Variants in PEAR1 observed in about 807,000 individuals in gnomAD.
PEAR1 encodes platelet endothelial aggregation receptor 1.
PEAR1 carries 113 observed loss-of-function variants against 131.2 expected under a neutral mutation model. The ratio of observed to expected loss-of-function variants is 0.86; its 90% CI spans 0.74 to 1.01. The LOEUF (loss-of-function observed/expected upper bound fraction) is 1.01, where lower values mean the gene tolerates loss of function less well. Ranked by LOEUF, PEAR1 falls within the 50% of genes least tolerant of loss-of-function variation. PEAR1 has a pLI of 0.00. For synonymous variants in PEAR1, 565 were observed against 523.3 expected (o/e 1.08, Z -1.09); for missense variants, 1,408 against 1,391.1 (o/e 1.01, Z -0.19).
At position 156,899,839 on chromosome 1, in the gene PEAR1, T is replaced by G. The variant is rs1207283332; in HGVS notation, c.-9-4079T>G. On this transcript the variant is annotated intron_variant, in intron 1 of 22. Transcript: ENST00000292357. ...TGGGCAGGGGTTGGGGGTGCAGAGG[T>G]GAGGGGTTATCCTATGCTACATGAC... is the stretch of plus-strand genomic sequence containing the variant. Among the ~76,000 whole-genome samples, 7 of 151,990 alleles carry G rather than the reference T, an allele frequency of 4.6e-5. No homozygotes were observed. In the East Asian group the frequency reaches 1.4e-3, roughly 29 times the overall value.
intron 14 of PEAR1, 73 bp downstream of exon 14, chr1:156,910,453 T>G: frequency 6.5e-7 from 1 of 1,538,932 alleles, no homozygotes; most frequent in East Asian, 2.3e-5. Flanking sequence ...AGAGCACCCC[T>G]CCCCCCGCGC....
intron 2 of PEAR1, 38 bp downstream of exon 2, chr1:156,904,065 C>A (rs1412894692): frequency 5.2e-6 from 8 of 1,543,058 alleles, no homozygotes; most frequent in Non-Finnish European, 7.2e-6. Context: ...GGCACCAAGC[C>A]CTAGCTCCCG....
rs1650699024 is a variant in PEAR1 at position 156,908,867 on chromosome 1, G to A, written c.1290+38G>A. ...CGGCTGCAAGGAAGCGAGGCAGGTGGAGAGGCCAAGGAATGGGCCGCCCCT... is the reference window on the plus strand; with the variant it reads ...CGGCTGCAAGGAAGCGAGGCAGGTGAAGAGGCCAAGGAATGGGCCGCCCCT... On this transcript the variant is annotated intron_variant, in intron 10 of 22. Coordinates refer to ENST00000292357, the MANE Select transcript of PEAR1 (RefSeq NM_001080471.3). This position sits in a 1 kb window ranked among gnomAD's most constrained non-coding sequence, Gnocchi z 4.2. 1 of 1,607,314 alleles carries A rather than the reference G, an allele frequency of 6.2e-7. No individual in the cohort carries two copies. Among genetic ancestry groups the A allele is most frequent in the Non-Finnish European group, 8.5e-7 (1 of 1,178,276 alleles).
chr1:156,903,786 G>C lies in PEAR1; in HGVS notation c.-9-132G>C, dbSNP rs1408950719. On this transcript the variant is annotated intron_variant, in intron 1 of 22. Coordinates refer to ENST00000292357, the MANE Select transcript of PEAR1 (RefSeq NM_001080471.3). ...TGAGGTGTAGGGGAGCTGGAGCTCA[G>C]AGCAAGGGGCCAGAGGACACGGGGC... 4.7e-5 allele frequency: 33 copies of C among 702,444 alleles called. No individual in the cohort carries two copies. In the East Asian group the frequency reaches 8.2e-4, roughly 17 times the overall value. 43.5% of individuals were successfully genotyped at this position (702,444 alleles called of 1,614,324 possible).
chr1:156,905,180 T>C, intron 3 of PEAR1, 144 bp from the exon 4 acceptor site: 1 of 1,069,346 alleles, frequency 9.4e-7, no homozygotes, highest in Non-Finnish European at 1.4e-6. Flanking sequence ...CGTAGTGCAC[T>C]GCAACCTCAA....
Position 156,906,786 on chromosome 1 carries a change from G to A in PEAR1, c.550G>A (p.Gly184Ser), listed in dbSNP as rs746529278. The change falls in exon 6 of 23, where the codon GGC becomes AGC. Residue 184 changes from glycine (G) to serine (S), a missense_variant. Physicochemically the swap from Gly to Ser is moderately conservative, Grantham distance 56. Coordinates refer to ENST00000292357, the MANE Select transcript of PEAR1 (RefSeq NM_001080471.3). ...CLQPCTPGYY[G>S]PACQFRCQCH... ...TCAGCCCTGTACCCCTGGCTACTAT[G>A]GCCCTGCCTGCCAGTTCCGCTGCCA... 1.2e-5 allele frequency: 19 copies of A among 1,614,210 alleles called. No homozygotes were observed. The highest frequency in any genetic ancestry group is 1.6e-5 in the Non-Finnish European group (19 of 1,180,042).
At chr1:156,903,329 T>C (rs908525492) in intron 1 of PEAR1, among the ~76,000 whole-genome samples, 1 of 152,130 alleles carries the variant, frequency 6.6e-6, no homozygotes, top group African/African-American at 2.4e-5. Flanking sequence ...CCACCTGAGG[T>C]AGCCGATTCT....
intron 1 of PEAR1, among the ~76,000 whole-genome samples, chr1:156,899,252 C>T (rs1649446157): frequency 6.6e-6 from 1 of 151,688 alleles, no homozygotes; most frequent in African/African-American, 2.4e-5. Flanking sequence ...CTTTGTACTC[C>T]AGGATAGGAA....
In PEAR1 at chr1:156,912,569, A is replaced by G. The variant is rs1242013323; in HGVS notation, c.2156A>G (p.Glu719Gly). ...QCGPGEKCHPETGACVCPPGH... is the reference protein window; with the variant it reads ...QCGPGEKCHPGTGACVCPPGH... ...GGTCCTGGAGAAAAGTGCCACCCAG[A>G]GACTGGGGCCTGTGTATGTCCCCCA... The change falls in exon 17 of 23, where the codon GAG becomes GGG. Residue 719 changes from glutamate to glycine, a missense_variant. Transcript: ENST00000292357. 6.2e-7 allele frequency: 1 copy of G among 1,613,894 alleles called. No homozygotes were observed. The highest frequency in any genetic ancestry group is 1.3e-5 in the African/African-American group (1 of 74,882).
intron 1 of PEAR1, among the ~76,000 whole-genome samples, chr1:156,896,756 C>T (rs937676050): frequency 3.3e-5 from 5 of 152,284 alleles, no homozygotes; most frequent in East Asian, 3.9e-4. Context: ...AGGGCTCAGG[C>T]GGTGTGGGCA....
intron 1 of PEAR1, among the ~76,000 whole-genome samples, chr1:156,899,309 G>A (rs1649452757): frequency 2.0e-5 from 3 of 152,176 alleles, no homozygotes; most frequent in Admixed American, 6.5e-5. Context: ...GGGGCAGTCG[G>A]ACCGAGCAAG....
intron 15 of PEAR1, 128 bp from the exon 16 acceptor site, chr1:156,912,119 C>T: frequency 2.6e-6 from 3 of 1,172,788 alleles, no homozygotes; most frequent in Non-Finnish European, 3.5e-6. Flanking sequence ...GTTGCAGATA[C>T]TGTTCAAAGC....
chr1:156,899,553 G>A (rs533904701), intron 1 of PEAR1, among the ~76,000 whole-genome samples: 16 of 152,232 alleles, frequency 1.1e-4, no homozygotes, highest in African/African-American at 3.4e-4. Context: ...AAAACAAGAA[G>A]GTTTTTCCTG....
rs775457447 is a variant in PEAR1 at position 156,908,388 on chromosome 1, G to T, written c.1115+48G>T. On this transcript the variant is annotated intron_variant, in intron 9 of 22. Coordinates refer to ENST00000292357, the MANE Select transcript of PEAR1 (RefSeq NM_001080471.3). This position sits in a 1 kb window ranked among gnomAD's most constrained non-coding sequence, Gnocchi z 4.2. ...AAAGGATCAGGAGGCCAATGGGGAG[G>T]TCTTCCTGGCCGAAGTCACCACAGA... 7.1e-5 allele frequency: 104 copies of T among 1,456,124 alleles called. No homozygotes were observed. Among genetic ancestry groups the T allele is most frequent in the South Asian group, 2.5e-4 (18 of 71,614 alleles). The allele number at this position is 1,456,124 out of a possible 1,614,324, so 90.2% of individuals were successfully genotyped here. A position where few individuals can be genotyped will look rare whatever the true frequency, so the allele number is the denominator to read the frequency against.
intron 4 of PEAR1, 35 bp downstream of exon 4, chr1:156,905,459 G>T (rs745956538): frequency 1.3e-6 from 2 of 1,545,294 alleles, no homozygotes; most frequent in East Asian, 2.3e-5. Flanking sequence ...GCGGGGTGGG[G>T]CAATGGAATG....
intron 6 of PEAR1, among the ~76,000 whole-genome samples, 188 bp downstream of exon 6, chr1:156,907,068 G>A (rs995633214): frequency 3.5e-4 from 54 of 152,202 alleles, no homozygotes; most frequent in African/African-American, 1.3e-3. Context: ...GACTCGTTGT[G>A]GGCTTGTTTC....
At chr1:156,911,399 C>T (rs528354822) in intron 15 of PEAR1, among the ~76,000 whole-genome samples, 7 of 151,306 alleles carry the variant, frequency 4.6e-5, no homozygotes, top group African/African-American at 1.5e-4. Context: ...TTTGCCTCAG[C>T]CTCCCCAGTA....
chr1:156,911,237 T>C (rs1290015178), intron 15 of PEAR1, among the ~76,000 whole-genome samples: 26 of 149,282 alleles, frequency 1.7e-4, no homozygotes, highest in African/African-American at 5.7e-4. Context: ...TTCTTTCTTT[T>C]CTTTCTTCTT....
In PEAR1 at chr1:156,908,275, C is replaced by T; in HGVS notation, c.1050C>T (p.Cys350=). ...GGGACCGCTGCACGGATCGCCTCTG[C>T]CCCGACGGCTTCTACGGTCTCAGCT... ...FTGDRCTDRL[C]PDGFYGLSCQ... Residue 350 remains cysteine, a synonymous_variant, in exon 9 of 23, where the codon TGC becomes TGT. Transcript: ENST00000292357. The surrounding 1 kb of genome is among the most constrained non-coding windows in gnomAD (Gnocchi z 4.2). 6.3e-7 allele frequency: 1 copy of T among 1,587,088 alleles called. No individual in the cohort carries two copies. The highest frequency in any genetic ancestry group is 8.5e-7 in the Non-Finnish European group (1 of 1,171,322).
Sources: allele counts gnomAD v4.1 joint callset (sites outside exome capture counted in the v4.1 genomes callset), GRCh38; gene constraint gnomAD v4.1.1; non-coding constraint Gnocchi (gnomAD v3.1); transcripts MANE v1.5; gene names NCBI Gene and HGNC (gene_info 2026-07-23, HGNC 2026-07-21).